Variants in RAD17 observed in about 807,000 individuals in gnomAD.
The protein encoded by RAD17 is RAD17 checkpoint clamp loader component.
RAD17 carries 31 observed loss-of-function variants against 81.5 expected under a neutral mutation model. The observed-to-expected ratio is 0.38, with a 90% confidence interval of 0.29 to 0.51. RAD17 has a LOEUF of 0.51. RAD17 is among the 20% of genes least tolerant of loss of function. The pLI is 0.88. For missense variants in RAD17, 681 were observed against 781.2 expected (o/e 0.87, Z 1.53); for synonymous variants, 261 against 266.2 (o/e 0.98, Z 0.19).
chr5:69,397,086 C>T (rs1041960929), intron 16 of RAD17, among the ~76,000 whole-genome samples: 57 of 152,260 alleles, frequency 3.7e-4, no homozygotes, highest in African/African-American at 1.3e-3. Flanking sequence ...CTTGCCTTGG[C>T]CTCTCAAAGT....
At chr5:69,404,115 T>A (rs1360192667) in intron 17 of RAD17, among the ~76,000 whole-genome samples, 1 of 152,192 alleles carries the variant, frequency 6.6e-6, no homozygotes, top group Non-Finnish European at 1.5e-5. Context: ...GTAAAATTGC[T>A]GGTGAAGTTA....
chr5:69,388,408 G>A (rs1345436314), intron 11 of RAD17, among the ~76,000 whole-genome samples: 2 of 152,016 alleles, frequency 1.3e-5, no homozygotes, highest in South Asian at 4.1e-4. Flanking sequence ...TTTTTTGTGT[G>A]TACACATATA....
intron 15 of RAD17, 54 bp from the exon 16 acceptor site, chr5:69,396,343 C>A: frequency 1.3e-6 from 2 of 1,549,394 alleles, no homozygotes; most frequent in Non-Finnish European, 1.8e-6. Context: ...TCAGGAATAC[C>A]AGTAATGCTC....
At chr5:69,377,451 A>ATATATATG (rs1259800887) in intron 6 of RAD17, among the ~76,000 whole-genome samples, 4 of 11,130 alleles carry the variant, frequency 3.6e-4, no homozygotes, top group East Asian at 4.6e-3. Flanking sequence ...ATATATATAT[A>ATATATATG]TATATATATA....
chr5:69,396,392 G>A lies in RAD17; in HGVS notation c.1423-5G>A, dbSNP rs747211839. The A allele has an allele frequency of 1.2e-6, 2 of 1,604,782 alleles. No individual in the cohort carries two copies. Among genetic ancestry groups the A allele is most frequent in the South Asian group, 1.1e-5 (1 of 89,114 alleles). On this transcript the variant is annotated splice_region_variant and splice_polypyrimidine_tract_variant and intron_variant, in intron 15 of 18. Coordinates refer to ENST00000354868, the MANE Select transcript of RAD17 (RefSeq NM_133338.3). ...TTTTCTTTCACATCTTGTCTCATTTGTTAGACACGCTCTTTACTCAGGGAA... is the reference window on the plus strand; with the variant it reads ...TTTTCTTTCACATCTTGTCTCATTTATTAGACACGCTCTTTACTCAGGGAA...
At chr5:69,371,705 T>C (rs1763017360) in intron 3 of RAD17, 148 bp downstream of exon 3, 1 of 465,284 alleles carries the variant, frequency 2.1e-6, no homozygotes, top group Non-Finnish European at 3.5e-6. Flanking sequence ...GGTAATAAGT[T>C]GTGAAACAAG....
chr5:69,373,480 A>G (rs907517824), intron 4 of RAD17, among the ~76,000 whole-genome samples: 5 of 152,108 alleles, frequency 3.3e-5, no homozygotes, highest in African/African-American at 1.2e-4. Flanking sequence ...TGAGAGGATC[A>G]CTTGAGCCCA....
chr5:69,376,265 A>G (rs867130883), intron 6 of RAD17, among the ~76,000 whole-genome samples: 1 of 152,156 alleles, frequency 6.6e-6, no homozygotes, highest in African/African-American at 2.4e-5. Context: ...TCGTCCACCT[A>G]AGTGCTGTAG....
At chr5:69,409,763 T>A (rs1765851783) in intron 17 of RAD17, among the ~76,000 whole-genome samples, 1 of 152,242 alleles carries the variant, frequency 6.6e-6, no homozygotes, top group Non-Finnish European at 1.5e-5. Flanking sequence ...TCCACCTTGT[T>A]CTGCAACCAG....
rs1236850788 is a variant in RAD17, at chr5:69,414,469, G to C, written c.*177G>C. ...TTCTGTCATCTTGAAGTAAATAGAA[G>C]ATCAAGCCTTCAAATCTCTTAATTT... is the stretch of plus-strand genomic sequence containing the variant. On this transcript the variant is annotated 3_prime_UTR_variant, in exon 19 of 19. Transcript: ENST00000354868. 5 of 763,894 alleles carry C rather than the reference G, an allele frequency of 6.5e-6. No individual in the cohort carries two copies. The highest frequency in any genetic ancestry group is 1.0e-5 in the Non-Finnish European group (5 of 490,074). 47.3% of individuals were successfully genotyped at this position (763,894 alleles called of 1,614,324 possible). A position where few individuals can be genotyped will look rare whatever the true frequency, so the allele number is the denominator to read the frequency against.
rs57655302 is a variant in RAD17, at chr5:69,406,041, C to CA, written c.1694-4436dup. ...TAGGTGACAGAGCCAGACTCCATCT[C>CA]AAAAAAAAAAAAAAAAGAATATGAA... On this transcript the variant is annotated intron_variant, in intron 17 of 18. Transcript: ENST00000354868. Among the ~76,000 whole-genome samples, 72 of 127,394 alleles carry CA rather than the reference C, an allele frequency of 5.7e-4. 1 individual carries two copies. The highest frequency in any genetic ancestry group is 5.4e-3 in the South Asian group (21 of 3,906). 83.6% of individuals were successfully genotyped at this position (127,394 alleles called of 152,430 possible).
chr5:69,407,572 T>TGTTTTG (rs1765694135), intron 17 of RAD17, among the ~76,000 whole-genome samples: 2 of 124,352 alleles, frequency 1.6e-5, no homozygotes, highest in African/African-American at 5.9e-5. Flanking sequence ...GTTTTTTTTT[T>TGTTTTG]TTTTTTTTTT....
intron 16 of RAD17, among the ~76,000 whole-genome samples, chr5:69,397,799 A>T (rs542348708): frequency 6.6e-6 from 1 of 151,910 alleles, no homozygotes; most frequent in East Asian, 2.0e-4. Context: ...TAACATGGTG[A>T]CTATTAACAA....
chr5:69,409,188 A>G (rs1421464759), intron 17 of RAD17, among the ~76,000 whole-genome samples: 1 of 152,138 alleles, frequency 6.6e-6, no homozygotes, highest in Non-Finnish European at 1.5e-5. Context: ...CTGCAGAGGT[A>G]GCCTCTGATT....
rs1468296878 is a variant in RAD17, at chr5:69,377,452, TATATATATATATATATATATATAC to T, written c.351+2743_351+2766del. 7.4e-3 allele frequency among the ~76,000 whole-genome samples: 387 copies of T among 52,058 alleles called. 10 individuals carry two copies. Among genetic ancestry groups the T allele is most frequent in the African/African-American group, 0.024 (368 of 15,296 alleles). 34.2% of individuals were successfully genotyped at this position (52,058 alleles called of 152,430 possible). ...GTGTGTGTGTGTGTATATATATATA[TATATATATATATATATATATATAC>T]ACACACACACATATATATACGTATA... is the stretch of plus-strand genomic sequence containing the variant. On this transcript the variant is annotated intron_variant, in intron 6 of 18. Transcript: ENST00000354868.
Position 69,396,565 on chromosome 5 carries a change from AT to A in RAD17, c.1572+21del. The A allele has an allele frequency of 6.7e-7, 1 of 1,501,174 alleles. No homozygotes were observed. Among genetic ancestry groups the A allele is most frequent in the African/African-American group, 1.4e-5 (1 of 70,280 alleles). 93.0% of individuals were successfully genotyped at this position (1,501,174 alleles called of 1,614,324 possible). On this transcript the variant is annotated intron_variant, in intron 16 of 18. Coordinates refer to ENST00000354868, the MANE Select transcript of RAD17 (RefSeq NM_133338.3). Reference sequence around the variant, plus strand: ...TAAAAAGGTAAAAAAAAAAAAAAAAATTCTGTACTTTCAATATGTGAACTTT... The same window carrying A: ...TAAAAAGGTAAAAAAAAAAAAAAAAATCTGTACTTTCAATATGTGAACTTT...
chr5:69,411,760 C>G (rs1425922362), intron 18 of RAD17, among the ~76,000 whole-genome samples: 2 of 152,132 alleles, frequency 1.3e-5, no homozygotes, highest in African/African-American at 4.8e-5. Context: ...AAAGCAGGAC[C>G]AAGTCTCTTT....
chr5:69,394,117 C>T (rs1353484743), intron 15 of RAD17, among the ~76,000 whole-genome samples: 2 of 144,334 alleles, frequency 1.4e-5, no homozygotes, highest in African/African-American at 2.6e-5. Flanking sequence ...TCCAGTGGTA[C>T]AAACATGGTT....
chr5:69,377,405 A>G (rs1192922626), intron 6 of RAD17, among the ~76,000 whole-genome samples: 1 of 139,130 alleles, frequency 7.2e-6, no homozygotes, highest in South Asian at 2.3e-4. Flanking sequence ...TACCAGTTGG[A>G]TAAACTTAGG....
Sources: gnomAD v4.1 joint callset for allele counts (sites outside exome capture counted in the v4.1 genomes callset) on GRCh38, gnomAD v4.1.1 for gene constraint, MANE v1.5 for transcripts, NCBI Gene and HGNC (gene_info 2026-07-23, HGNC 2026-07-21) for gene names.